Variants in STK33 observed in about 807,000 individuals in gnomAD.
The protein encoded by STK33 is serine/threonine-protein kinase 33.
STK33 carries 52 observed loss-of-function variants against 58.0 expected under a neutral mutation model. That is an observed-to-expected ratio of 0.90 (90% CI 0.72 to 1.13). The LOEUF (loss-of-function observed/expected upper bound fraction) is 1.13, where lower values mean the gene tolerates loss of function less well. Ranked by LOEUF, STK33 falls within the 50% of genes most tolerant of loss-of-function variation. STK33 has a pLI of 0.00. For missense variants in STK33, 630 were observed against 604.2 expected (o/e 1.04, Z -0.45); for synonymous variants, 215 against 200.1 (o/e 1.07, Z -0.63).
intron 1 of STK33, among the ~76,000 whole-genome samples, chr11:8,522,709 C>A (rs1331925499): frequency 6.6e-6 from 1 of 152,042 alleles, no homozygotes; most frequent in Non-Finnish European, 1.5e-5. Context: ...AAGCAGTCAG[C>A]AAAACAAAAA....
chr11:8,338,926 CGACT>C, the STK33 span, among the ~76,000 whole-genome samples: 694 of 152,236 alleles, frequency 4.6e-3, 2 homozygotes, highest in Middle Eastern at 0.027. Context: ...AATGACTGAC[CGACT>C]GACTGACTGA....
chr11:8,512,897 T>C (rs1291305390), intron 1 of STK33, among the ~76,000 whole-genome samples: 2 of 152,172 alleles, frequency 1.3e-5, no homozygotes. Flanking sequence ...CTTCCCATTA[T>C]ATTTAGCATA....
At chr11:8,495,504 T>C (rs1234081300) in intron 1 of STK33, among the ~76,000 whole-genome samples, 1 of 152,116 alleles carries the variant, frequency 6.6e-6, no homozygotes, top group Non-Finnish European at 1.5e-5. Flanking sequence ...TTGGTGGGAG[T>C]GTAAACTAGT....
Position 8,553,977 on chromosome 11 carries a change from G to A in STK33, c.-466+40106C>T, listed in dbSNP as rs556282403. Among the ~76,000 whole-genome samples, 3 of 152,232 alleles carry A rather than the reference G, an allele frequency of 2.0e-5. No homozygotes were observed. The South Asian group carries it at 6.2e-4, about 32-fold the overall frequency. Reference sequence around the variant, plus strand: ...CATCCACCTAAAAAGCTTCTGCAGAGCAAAGGAAACAGATTAACAAAGTGA... The same window carrying A: ...CATCCACCTAAAAAGCTTCTGCAGAACAAAGGAAACAGATTAACAAAGTGA... On this transcript the variant is annotated intron_variant, in intron 1 of 15. Coordinates refer to ENST00000687296, the MANE Select transcript of STK33 (RefSeq NM_001352389.2).
At chr11:8,509,635 T>C (rs746160260) in intron 1 of STK33, among the ~76,000 whole-genome samples, 6 of 152,186 alleles carry the variant, frequency 3.9e-5, no homozygotes, top group Admixed American at 1.3e-4. Context: ...CTGTACCTAA[T>C]ATGTAGTCTT....
At chr11:8,461,748 G>C in intron 8 of STK33, 57 bp downstream of exon 8, 1 of 1,334,524 alleles carries the variant, frequency 7.5e-7, no homozygotes, top group Non-Finnish European at 1.0e-6. Flanking sequence ...AGAATGGAAT[G>C]ATATTCATTT....
intron 1 of STK33, among the ~76,000 whole-genome samples, chr11:8,577,817 A>G (rs1358736843): frequency 6.6e-6 from 1 of 151,894 alleles, no homozygotes; most frequent in Non-Finnish European, 1.5e-5. Flanking sequence ...AATATTTAAA[A>G]CCTCCTTTTG....
the STK33 span, among the ~76,000 whole-genome samples, chr11:8,371,838 CCTTCCTCCTTCCT>C: frequency 7.6e-6 from 1 of 132,318 alleles, no homozygotes; most frequent in Admixed American, 7.9e-5. Flanking sequence ...TCCCACCCTT[CCTTCCTCCTTCCT>C]TCCCTCCCTC....
chr11:8,489,972 A>C (rs1381209940), intron 1 of STK33, among the ~76,000 whole-genome samples: 1 of 152,196 alleles, frequency 6.6e-6, no homozygotes, highest in African/African-American at 2.4e-5. Context: ...GAATAGGAAC[A>C]GCTCTGGTCT....
chr11:8,412,596 G>A (rs1166880416), intron 15 of STK33, among the ~76,000 whole-genome samples: 1 of 152,142 alleles, frequency 6.6e-6, no homozygotes, highest in Non-Finnish European at 1.5e-5. Flanking sequence ...GATTTACCCT[G>A]GCAGTCCCTC....
chr11:8,432,498 G>C (rs1406575228), intron 14 of STK33, among the ~76,000 whole-genome samples: 1 of 152,162 alleles, frequency 6.6e-6, no homozygotes, highest in East Asian at 1.9e-4. Context: ...AAATCAGGAT[G>C]ACAATATGTA....
chr11:8,447,938 G>A (rs1945724060), intron 11 of STK33, among the ~76,000 whole-genome samples: 1 of 152,190 alleles, frequency 6.6e-6, no homozygotes, highest in Non-Finnish European at 1.5e-5. Context: ...CTTCAGCAAA[G>A]TCTCAGGATA....
chr11:8,360,406 C>T, the STK33 span, among the ~76,000 whole-genome samples: 1 of 152,232 alleles, frequency 6.6e-6, no homozygotes, highest in African/African-American at 2.4e-5. Context: ...AGGCCTAGCC[C>T]CAGGTCCACA....
intron 1 of STK33, among the ~76,000 whole-genome samples, chr11:8,493,206 C>T (rs556187953): frequency 7.9e-5 from 12 of 151,702 alleles, no homozygotes; most frequent in Admixed American, 7.2e-4. Context: ...GCTAGCAAGA[C>T]TAATAAAGAA....
At chr11:8,519,006 A>G (rs1953103011) in intron 1 of STK33, among the ~76,000 whole-genome samples, 1 of 152,234 alleles carries the variant, frequency 6.6e-6, no homozygotes, top group Admixed American at 6.5e-5. Flanking sequence ...AGACATCTAC[A>G]GAACTCTCCA....
intron 1 of STK33, among the ~76,000 whole-genome samples, chr11:8,552,755 G>C (rs760917138): frequency 6.6e-6 from 1 of 152,046 alleles, no homozygotes; most frequent in Non-Finnish European, 1.5e-5. Context: ...CATCTCCTAT[G>C]ATAAAAATGC....
intron 15 of STK33, among the ~76,000 whole-genome samples, chr11:8,404,132 G>C (rs1179336310): frequency 6.6e-6 from 1 of 152,152 alleles, no homozygotes; most frequent in African/African-American, 2.4e-5. Context: ...AGAAGGAAGG[G>C]AAAGAAAAGC....
At chr11:8,434,633 T>C (rs1166152371) in intron 14 of STK33, among the ~76,000 whole-genome samples, 1 of 152,164 alleles carries the variant, frequency 6.6e-6, no homozygotes, top group Non-Finnish European at 1.5e-5. Flanking sequence ...GCTATTATGG[T>C]TCCTTGCATC....
the STK33 span, among the ~76,000 whole-genome samples, chr11:8,364,706 G>A: frequency 6.6e-6 from 1 of 152,174 alleles, no homozygotes; most frequent in East Asian, 1.9e-4. Context: ...AATGAAGACT[G>A]TCTATGTACG....
Sources: allele counts gnomAD v4.1 joint callset (sites outside exome capture counted in the v4.1 genomes callset), GRCh38; gene constraint gnomAD v4.1.1; transcripts MANE v1.5; gene names NCBI Gene and HGNC (gene_info 2026-07-23, HGNC 2026-07-21).